Variants in DENND2D observed in about 807,000 individuals in gnomAD.
DENND2D encodes the protein DENN domain-containing protein 2D.
In DENND2D, 37 loss-of-function variants were observed where a neutral mutation model predicts 59.8. The observed-to-expected ratio is 0.62, with a 90% CI of 0.48 to 0.81. The LOEUF is 0.81. Ranked by LOEUF, DENND2D falls within the 40% of genes least tolerant of loss-of-function variation. DENND2D has a pLI of 0.00. For synonymous variants in DENND2D, 219 were observed against 211.3 expected, an observed-to-expected ratio of 1.04 and a Z score of -0.31; for missense variants, 525 against 579.7, an observed-to-expected ratio of 0.91 and a Z score of 0.97.
chr1:111,197,646 C>A, intron 4 of DENND2D: 1 of 1,374,782 alleles, frequency 7.3e-7, no homozygotes, highest in South Asian at 1.6e-5. Flanking sequence ...GGTAAGCAGG[C>A]CTGGATAGAG....
chr1:111,196,522 C>G (rs1008783909), intron 5 of DENND2D: 5 of 161,694 alleles, frequency 3.1e-5, no homozygotes, highest in African/African-American at 1.2e-4. Flanking sequence ...GAGCACTGCA[C>G]AAAGGAATGC....
At chr1:111,198,586 C>T in intron 3 of DENND2D, 44 bp downstream of exon 3, 1 of 1,588,764 alleles carries the variant, frequency 6.3e-7, no homozygotes, top group Non-Finnish European at 8.6e-7. Context: ...ACACATGTTC[C>T]TTCTCCCCAA....
At chr1:111,192,341 G>C in intron 7 of DENND2D, 24 bp from the exon 8 acceptor site, 1 of 1,543,908 alleles carries the variant, frequency 6.5e-7, no homozygotes, top group Non-Finnish European at 8.8e-7. Flanking sequence ...CAGAGGATGA[G>C]AGTCAGGGGG....
chr1:111,202,113 C>G (rs1658866527), upstream of DENND2D, among the ~76,000 whole-genome samples: 1 of 152,182 alleles, frequency 6.6e-6, no homozygotes. Flanking sequence ...TCAAATACCC[C>G]ACAGAGGTTT....
At chr1:111,188,438 GA>G in intron 10 of DENND2D, 68 bp from the exon 11 acceptor site, 3 of 1,581,750 alleles carry the variant, frequency 1.9e-6, no homozygotes, top group African/African-American at 1.4e-5. Flanking sequence ...TCACCTTCAA[GA>G]ATGGCTTTCT....
rs375447777 is a variant in DENND2D, at chr1:111,200,260, T to C, written c.67+133A>G. 73 of 1,271,718 alleles carry C rather than the reference T, an allele frequency of 5.7e-5. No individual in the cohort carries two copies. In the African/African-American group the frequency reaches 1.0e-3, roughly 18 times the overall value. The allele number at this position is 1,271,718 out of a possible 1,614,324, so 78.8% of individuals were successfully genotyped here. On this transcript the variant is annotated intron_variant, in intron 1 of 11. Coordinates refer to ENST00000357640, the MANE Select transcript of DENND2D (RefSeq NM_024901.5). ...TTAAAAACCAGCAGAGGAAGCCTCCTGACCCAGTCACATGGGGAACCATGT... is the reference window on the plus strand; with the variant it reads ...TTAAAAACCAGCAGAGGAAGCCTCCCGACCCAGTCACATGGGGAACCATGT...
intron 6 of DENND2D, chr1:111,195,466 G>A (rs1261854741): frequency 5.9e-6 from 1 of 170,816 alleles, no homozygotes; most frequent in Non-Finnish European, 1.3e-5. Context: ...TGCTGCCTCA[G>A]TGTGCTTGGT....
At position 111,196,981 on chromosome 1, in the gene DENND2D, C is replaced by G. The variant is rs117940122; in HGVS notation, c.504+195G>C. ...AACAGTAGCTGTCTCTGCAAGAGGT[C>G]CAGTCCCCTAGATTCAATTTCCACT... is the stretch of plus-strand genomic sequence containing the variant. On this transcript the variant is annotated intron_variant, in intron 5 of 11. Transcript: ENST00000357640. 77 of 611,730 alleles carry G rather than the reference C, an allele frequency of 1.3e-4. No homozygotes were observed. The East Asian group carries it at 1.8e-3, about 14-fold the overall frequency. The allele number at this position is 611,730 out of a possible 1,614,324, so 37.9% of individuals were successfully genotyped here.
chr1:111,199,691 C>T lies in DENND2D; in HGVS notation c.175G>A (p.Val59Met), dbSNP rs1389978079. 1 of 1,614,140 alleles carries T rather than the reference C, an allele frequency of 6.2e-7. No homozygotes were observed. Among genetic ancestry groups the T allele is most frequent in the East Asian group, 2.2e-5 (1 of 44,864 alleles). Residue 59 changes from valine (V) to methionine (M), a missense_variant, in exon 2 of 12, where the codon GTG becomes ATG. By Grantham distance (21) the Val-to-Met change is conservative. This residue lies in a region of DENND2D where 253 missense variants were observed against 246.4 expected (regional missense o/e 1.03). Transcript: ENST00000357640. ...GAACGCTTCTTTTTGAGAGAAACCA[C>T]AAGAAGGTATTCAAAGAAGTGCTGC... Reference protein sequence around the residue: ...GGQHFFEYLLVVSLKKKRSED... With the variant: ...GGQHFFEYLLMVSLKKKRSED...
intron 10 of DENND2D, 141 bp from the exon 11 acceptor site, chr1:111,188,511 G>C (rs1195397395): frequency 2.3e-6 from 3 of 1,329,230 alleles, no homozygotes; most frequent in Non-Finnish European, 3.1e-6. Context: ...GACTGAGATG[G>C]GAATCTGGGT....
At chr1:111,202,968 G>A (rs117632287), upstream of DENND2D, among the ~76,000 whole-genome samples, 197 of 152,264 alleles carry the variant, frequency 1.3e-3, 7 homozygotes, top group East Asian at 0.034. Flanking sequence ...TGGGCTGCAG[G>A]GGGCAGACCC....
intron 6 of DENND2D, 195 bp downstream of exon 6, chr1:111,195,721 C>T (rs999228552): frequency 1.2e-5 from 8 of 681,050 alleles, no homozygotes; most frequent in African/African-American, 9.1e-5. Flanking sequence ...TAACTAGGTG[C>T]TTGTGGGTAT....
rs1484476179 is a variant in DENND2D at position 111,187,195 on chromosome 1, T to A, written c.*410A>T. Reference sequence around the variant, plus strand: ...CATATAAAAATAAGATTTTCCTCTTTACTCTCGTCCTTACATGTCCACAGA... The same window carrying A: ...CATATAAAAATAAGATTTTCCTCTTAACTCTCGTCCTTACATGTCCACAGA... On this transcript the variant is annotated 3_prime_UTR_variant, in exon 12 of 12. Coordinates refer to ENST00000357640, the MANE Select transcript of DENND2D (RefSeq NM_024901.5). 6.1e-6 allele frequency: 1 copy of A among 164,428 alleles called. No individual in the cohort carries two copies. Among genetic ancestry groups the A allele is most frequent in the Admixed American group, 6.1e-5 (1 of 16,352 alleles). 10.2% of individuals were successfully genotyped at this position (164,428 alleles called of 1,614,324 possible).
rs1418069575 is a variant in DENND2D, at chr1:111,186,398, C to T, written c.*1207G>A. On this transcript the variant is annotated 3_prime_UTR_variant, in exon 12 of 12. Transcript: ENST00000357640. ...ATCTGCCACCTGCAGTAGGTCTCTG[C>T]ACTCCCAAAAGCAAATTACATTGGC... Among the ~76,000 whole-genome samples the T allele has an allele frequency of 6.6e-6, 1 of 152,212 alleles. No homozygotes were observed. The highest frequency in any genetic ancestry group is 1.5e-5 in the Non-Finnish European group (1 of 68,040).
At chr1:111,197,093 A>G (rs1658302722) in intron 5 of DENND2D, 83 bp downstream of exon 5, 2 of 1,452,958 alleles carry the variant, frequency 1.4e-6, no homozygotes, top group Non-Finnish European at 1.9e-6. Context: ...GAAGAGCTCC[A>G]CTAAGAGCTT....
chr1:111,196,864 T>C (rs1489089308), intron 5 of DENND2D: 3 of 342,134 alleles, frequency 8.8e-6, no homozygotes, highest in Non-Finnish European at 1.7e-5. Context: ...GAGATTATTA[T>C]ATCCATTCGA....
intron 11 of DENND2D, 26 bp from the exon 12 acceptor site, chr1:111,187,707 A>C: frequency 6.3e-7 from 1 of 1,578,298 alleles, no homozygotes; most frequent in South Asian, 1.1e-5. Context: ...CAGGTGTTAG[A>C]GGCATCTGAT....
chr1:111,204,107 T>G (rs1659079082), upstream of DENND2D: 7 of 56,052 alleles, frequency 1.2e-4, no homozygotes, highest in East Asian at 8.1e-4. Flanking sequence ...CGCCCCCACC[T>G]GACCCTCTTC....
chr1:111,204,365 T>C (rs1659108533), upstream of DENND2D: 2 of 1,420,934 alleles, frequency 1.4e-6, no homozygotes, highest in Non-Finnish European at 1.8e-6. Flanking sequence ...GCCCCTGGAG[T>C]GCCCGGCTCC....
Sources: gnomAD v4.1 joint callset for allele counts (sites outside exome capture counted in the v4.1 genomes callset) on GRCh38, gnomAD v4.1.1 for gene constraint, gnomAD v4.1.1 regional missense constraint, MANE v1.5 for transcripts, NCBI Gene and HGNC (gene_info 2026-07-23, HGNC 2026-07-21) for gene names.